Variants in CTNND2 observed in about 807,000 individuals in gnomAD.
The protein encoded by CTNND2 is catenin delta-2.
Under a neutral mutation model 144.4 loss-of-function variants are expected in CTNND2, and 22 were observed. That is an observed-to-expected ratio of 0.15 (90% CI 0.11 to 0.22). The LOEUF is 0.22. CTNND2 is among the 10% of genes least tolerant of loss of function. The pLI is 1.00. For synonymous variants in CTNND2, 751 were observed against 695.6 expected, an observed-to-expected ratio of 1.08 and a Z score of -1.25; for missense variants, 1,353 against 1,618.8, an observed-to-expected ratio of 0.84 and a Z score of 2.82.
chr5:10,977,014 G>T (rs781227259), intron 21 of CTNND2, among the ~76,000 whole-genome samples: 1 of 152,228 alleles, frequency 6.6e-6, no homozygotes, highest in African/African-American at 2.4e-5. Context: ...GGCCTCTGGC[G>T]ATGGGCCCCA....
chr5:11,043,313 T>A (rs1034256074), intron 16 of CTNND2, among the ~76,000 whole-genome samples: 2 of 152,210 alleles, frequency 1.3e-5, no homozygotes, highest in Non-Finnish European at 2.9e-5. Context: ...GTATGTTTGT[T>A]AGTTAACCAC....
At chr5:11,359,269 T>C (rs532566975) in intron 8 of CTNND2, among the ~76,000 whole-genome samples, 40 of 152,352 alleles carry the variant, frequency 2.6e-4, no homozygotes, top group African/African-American at 8.9e-4. Flanking sequence ...TAAAATTGTA[T>C]CTCTTTACAT....
At chr5:11,167,756 C>A (rs377245166) in intron 11 of CTNND2, among the ~76,000 whole-genome samples, 12 of 150,110 alleles carry the variant, frequency 8.0e-5, no homozygotes, top group Admixed American at 2.7e-4. Context: ...AGTGCAGCGG[C>A]GTGATCATGG....
At chr5:11,307,679 A>G (rs1750389334) in intron 9 of CTNND2, among the ~76,000 whole-genome samples, 1 of 152,194 alleles carries the variant, frequency 6.6e-6, no homozygotes, top group African/African-American at 2.4e-5. Flanking sequence ...TGATGAAAAA[A>G]GTATCAATTA....
intron 1 of CTNND2, among the ~76,000 whole-genome samples, chr5:11,806,341 T>C (rs1791997560): frequency 6.6e-6 from 1 of 152,178 alleles, no homozygotes; most frequent in Non-Finnish European, 1.5e-5. Flanking sequence ...TTAAAATGTA[T>C]TTTAAAATGC....
intron 2 of CTNND2, among the ~76,000 whole-genome samples, chr5:11,630,480 A>G (rs1227422556): frequency 6.6e-6 from 1 of 152,130 alleles, no homozygotes; most frequent in Admixed American, 6.6e-5. Flanking sequence ...TGGCAAACCA[A>G]TTGGTGTAAA....
At chr5:11,284,141 T>C (rs924874741) in intron 9 of CTNND2, among the ~76,000 whole-genome samples, 1 of 152,194 alleles carries the variant, frequency 6.6e-6, no homozygotes, top group Non-Finnish European at 1.5e-5. Context: ...GTTCTGGTCA[T>C]GTGAATTCTT....
chr5:11,211,703 T>C (rs1460827691), intron 10 of CTNND2, among the ~76,000 whole-genome samples: 1 of 152,242 alleles, frequency 6.6e-6, no homozygotes, highest in Non-Finnish European at 1.5e-5. Context: ...AAAGCACACA[T>C]TTTAAAAACT....
intron 9 of CTNND2, among the ~76,000 whole-genome samples, chr5:11,276,607 C>G (rs1041116471): frequency 6.6e-6 from 1 of 152,128 alleles, no homozygotes; most frequent in African/African-American, 2.4e-5. Flanking sequence ...AAAGTGGCCC[C>G]CAAAAAGATA....
intron 1 of CTNND2, among the ~76,000 whole-genome samples, chr5:11,842,720 G>GAAAA (rs746686111): frequency 0.015 from 1,921 of 127,130 alleles, 73 homozygotes; most frequent in African/African-American, 0.051. Context: ...CTCGGTCTCA[G>GAAAA]AACAAAAAAA....
chr5:11,887,859 G>C (rs1736670159), intron 1 of CTNND2, among the ~76,000 whole-genome samples: 1 of 152,220 alleles, frequency 6.6e-6, no homozygotes, highest in South Asian at 2.1e-4. Context: ...CAGAATAAAT[G>C]TCTTCCACAT....
rs1368022507 is a variant in CTNND2, at chr5:11,389,825, A to T, written c.613-4596T>A. ...TGAATGTCACAGTAGAAAATTCTAC[A>T]CCTGACACCTTTGCTTTCTGATGGT... is the stretch of plus-strand genomic sequence containing the variant. On this transcript the variant is annotated intron_variant, in intron 6 of 21. Transcript: ENST00000304623. Among the ~76,000 whole-genome samples, 3 of 146,420 alleles carry T rather than the reference A, an allele frequency of 2.0e-5. No individual in the cohort carries two copies. The Admixed American group carries it at 2.1e-4, about 10-fold the overall frequency.
chr5:11,557,029 C>A (rs1776287822), intron 3 of CTNND2, among the ~76,000 whole-genome samples: 2 of 152,054 alleles, frequency 1.3e-5, no homozygotes, highest in Admixed American at 1.3e-4. Context: ...CGAATGCATG[C>A]ATATATGCCT....
intron 2 of CTNND2, among the ~76,000 whole-genome samples, chr5:11,681,284 G>T (rs937503239): frequency 1.3e-5 from 2 of 152,224 alleles, no homozygotes; most frequent in Non-Finnish European, 2.9e-5. Context: ...AGAGATAAAT[G>T]AGAACTGAAC....
At chr5:11,450,329 G>A (rs970999114) in intron 3 of CTNND2, among the ~76,000 whole-genome samples, 1 of 152,184 alleles carries the variant, frequency 6.6e-6, no homozygotes, top group African/African-American at 2.4e-5. Context: ...GGACTCGAGT[G>A]TTGAGCTGTA....
chr5:11,770,130 C>G (rs1463485703), intron 1 of CTNND2, among the ~76,000 whole-genome samples: 1 of 152,054 alleles, frequency 6.6e-6, no homozygotes, highest in Non-Finnish European at 1.5e-5. Flanking sequence ...TAAGGAAAGT[C>G]ATTGAAGAAA....
At chr5:11,691,818 G>C (rs926223337) in intron 2 of CTNND2, among the ~76,000 whole-genome samples, 3 of 152,184 alleles carry the variant, frequency 2.0e-5, no homozygotes, top group Admixed American at 6.5e-5. Context: ...AGAGACCCAG[G>C]AGTTACAGGC....
chr5:11,586,811 G>A (rs955305611), intron 2 of CTNND2, among the ~76,000 whole-genome samples: 1 of 152,024 alleles, frequency 6.6e-6, no homozygotes, highest in Non-Finnish European at 1.5e-5. Flanking sequence ...AAAAGATTTT[G>A]TAACATGGCA....
At chr5:11,612,436 T>C (rs1780377024) in intron 2 of CTNND2, among the ~76,000 whole-genome samples, 1 of 152,196 alleles carries the variant, frequency 6.6e-6, no homozygotes, top group African/African-American at 2.4e-5. Flanking sequence ...AATAAGCAGA[T>C]TTATGCTAAG....
Sources: gnomAD v4.1 joint callset for allele counts (sites outside exome capture counted in the v4.1 genomes callset) on GRCh38, gnomAD v4.1.1 for gene constraint, MANE v1.5 for transcripts, NCBI Gene and HGNC (gene_info 2026-07-23, HGNC 2026-07-21) for gene names.